ABCB1: variants seen among roughly 807,000 people sequenced by gnomAD.
The protein encoded by ABCB1 is ATP binding cassette subfamily B member 1.
In ABCB1, 69 loss-of-function variants were observed where a neutral mutation model predicts 142.0. The ratio of observed to expected loss-of-function variants is 0.49; its 90% confidence interval spans 0.40 to 0.59. The LOEUF (loss-of-function observed/expected upper bound fraction) is 0.59, where lower values mean the gene tolerates loss of function less well. Among genes scored for constraint, ABCB1 ranks in the 20% least tolerant of loss-of-function variants. The probability of loss-of-function intolerance (pLI) is 0.00; values close to 1 mark genes in which losing one functional copy is unlikely to be tolerated. For synonymous variants in ABCB1, 532 were observed against 539.2 expected (o/e 0.99, Z 0.18); for missense variants, 1,326 against 1,554.7 (o/e 0.85, Z 2.47).
chr7:87,683,939 A>G (rs1201786107), intron 1 of ABCB1, among the ~76,000 whole-genome samples: 1 of 152,226 alleles, frequency 6.6e-6, no homozygotes, highest in East Asian at 1.9e-4. Flanking sequence ...AGACATCAGA[A>G]TCTTCAATAA....
At chr7:87,700,586 T>C in intron 1 of ABCB1, 1 of 1,583,234 alleles carries the variant, frequency 6.3e-7, no homozygotes. Flanking sequence ...CGTTTCTATT[T>C]TTTTTTTCAT....
chr7:87,679,920 A>G (rs1366074682), intron 1 of ABCB1, among the ~76,000 whole-genome samples: 3 of 150,570 alleles, frequency 2.0e-5, no homozygotes, highest in African/African-American at 4.9e-5. Context: ...AAATGTAAAA[A>G]TACACTTTTT....
chr7:87,596,637 G>T (rs1047332247), intron 2 of ABCB1, among the ~76,000 whole-genome samples: 1 of 152,026 alleles, frequency 6.6e-6, no homozygotes, highest in Non-Finnish European at 1.5e-5. Context: ...AACTATTTTA[G>T]AAAAGATTTG....
At chr7:87,543,638 T>C (rs974646279) in intron 17 of ABCB1, among the ~76,000 whole-genome samples, 3 of 152,174 alleles carry the variant, frequency 2.0e-5, no homozygotes, top group South Asian at 2.1e-4. Context: ...CCTCAATCTT[T>C]AGGAAGCCGT....
chr7:87,684,730 G>C (rs1338067391), intron 1 of ABCB1, among the ~76,000 whole-genome samples: 1 of 111,438 alleles, frequency 9.0e-6, no homozygotes, highest in Non-Finnish European at 1.7e-5. Flanking sequence ...CCTGGTGACA[G>C]AGTGAGACTC....
At chr7:87,523,882 T>C (rs1274327433) in intron 21 of ABCB1, among the ~76,000 whole-genome samples, 1 of 152,210 alleles carries the variant, frequency 6.6e-6, no homozygotes, top group African/African-American at 2.4e-5. Context: ...TTTAATGCTA[T>C]GATTTTAAGA....
At chr7:87,634,428 C>T (rs1454736547) in intron 1 of ABCB1, among the ~76,000 whole-genome samples, 1 of 147,190 alleles carries the variant, frequency 6.8e-6, no homozygotes, top group Non-Finnish European at 1.5e-5. Context: ...TCGAGACCAG[C>T]CTGGCCAACA....
intron 1 of ABCB1, among the ~76,000 whole-genome samples, chr7:87,672,567 C>A (rs1182138975): frequency 6.6e-6 from 1 of 152,196 alleles, no homozygotes; most frequent in Non-Finnish European, 1.5e-5. Context: ...CAGCCTTCCA[C>A]TTTGCCAGAG....
intron 23 of ABCB1, among the ~76,000 whole-genome samples, chr7:87,517,858 T>C (rs1357437827): frequency 6.6e-6 from 1 of 152,236 alleles, no homozygotes; most frequent in African/African-American, 2.4e-5. Flanking sequence ...CTCCCCTAAA[T>C]TGGCTTCCAT....
At chr7:87,620,375 G>A (rs555736580) in intron 1 of ABCB1, among the ~76,000 whole-genome samples, 40 of 152,236 alleles carry the variant, frequency 2.6e-4, no homozygotes, top group Non-Finnish European at 5.3e-4. Flanking sequence ...GGTCAGGCTC[G>A]TCTCGAACTC....
At chr7:87,659,293 C>T (rs1185513001) in intron 1 of ABCB1, 1 of 369,622 alleles carries the variant, frequency 2.7e-6, no homozygotes, top group Non-Finnish European at 5.3e-6. Context: ...CTTGGTTTCT[C>T]TGTTTTCTTT....
chr7:87,649,536 C>G (rs1823363481), intron 1 of ABCB1, among the ~76,000 whole-genome samples: 1 of 152,058 alleles, frequency 6.6e-6, no homozygotes, highest in Admixed American at 6.5e-5. Context: ...GGATAATTCT[C>G]CATTGAGAAG....
chr7:87,707,370 A>G (rs2130728231), intron 1 of ABCB1, among the ~76,000 whole-genome samples: 1 of 152,282 alleles, frequency 6.6e-6, no homozygotes, highest in South Asian at 2.1e-4. Context: ...TAAAATTACT[A>G]GATTATTGGA....
chr7:87,574,590 G>A (rs946099320), intron 4 of ABCB1, among the ~76,000 whole-genome samples: 5 of 152,204 alleles, frequency 3.3e-5, no homozygotes, highest in South Asian at 2.1e-4. Context: ...TAAGCACACC[G>A]AAGAGTTTAC....
intron 26 of ABCB1, among the ~76,000 whole-genome samples, chr7:87,507,099 T>C (rs1356732063): frequency 6.6e-6 from 1 of 152,184 alleles, no homozygotes; most frequent in Non-Finnish European, 1.5e-5. Context: ...CAGGGTGAGG[T>C]AAATCCTAGT....
chr7:87,519,558 A>G, intron 22 of ABCB1, 92 bp from the exon 23 acceptor site: 1 of 1,486,294 alleles, frequency 6.7e-7, no homozygotes, highest in South Asian at 1.1e-5. Flanking sequence ...GCACAGAGGC[A>G]TGACCAACAA....
intron 25 of ABCB1, among the ~76,000 whole-genome samples, chr7:87,510,797 A>C (rs974131055): frequency 6.6e-6 from 1 of 152,174 alleles, no homozygotes; most frequent in African/African-American, 2.4e-5. Context: ...CATGGAGACT[A>C]TTCCACACAT....
chr7:87,574,918 C>T (rs1818211594), intron 4 of ABCB1, among the ~76,000 whole-genome samples: 1 of 152,100 alleles, frequency 6.6e-6, no homozygotes, highest in Non-Finnish European at 1.5e-5. Context: ...TATCCAGTGC[C>T]CAACCTGTTG....
chr7:87,666,502 A>G (rs1324995437), intron 1 of ABCB1, among the ~76,000 whole-genome samples: 1 of 151,992 alleles, frequency 6.6e-6, no homozygotes, highest in East Asian at 1.9e-4. Flanking sequence ...AATTAGATCC[A>G]TTTGTCAATT....
Sources: allele counts gnomAD v4.1 joint callset (sites outside exome capture counted in the v4.1 genomes callset), GRCh38; gene constraint gnomAD v4.1.1; transcripts MANE v1.5; gene names NCBI Gene and HGNC (gene_info 2026-07-23, HGNC 2026-07-21).